Variants in CEP120 observed in about 807,000 individuals in gnomAD.
The protein encoded by CEP120 is centrosomal protein of 120 kDa.
A neutral mutation model predicts 126.5 loss-of-function variants in CEP120; 113 were observed. The ratio of observed to expected loss-of-function variants is 0.89; its 90% CI spans 0.77 to 1.04. The LOEUF (loss-of-function observed/expected upper bound fraction) is 1.04. Among genes scored for constraint, CEP120 ranks in the 50% least tolerant of loss-of-function variants. The pLI, the probability that CEP120 is intolerant of heterozygous loss-of-function variation, is 0.00. For missense variants in CEP120, 1,230 were observed against 1,155.7 expected (o/e 1.06, Z -0.93); for synonymous variants, 400 against 394.3 (o/e 1.01, Z -0.17).
chr5:123,373,632 G>A (rs553924045), intron 16 of CEP120, among the ~76,000 whole-genome samples: 17 of 152,206 alleles, frequency 1.1e-4, no homozygotes, highest in African/African-American at 3.8e-4. Flanking sequence ...CTGGGATACA[G>A]ATGGAAGGAT....
At position 123,400,659 on chromosome 5, in the gene CEP120, CTT is replaced by C. The variant is rs34109692; in HGVS notation, c.464-1377_464-1376del. On this transcript the variant is annotated intron_variant, in intron 4 of 19. Coordinates refer to ENST00000306467, the MANE Select transcript of CEP120 (RefSeq NM_001375405.1). ...TACATACATATACATATATATATGG[CTT>C]TTTTTTTTTTTTTGCAGAGCTAGCT... Among the ~76,000 whole-genome samples, 7 of 88,956 alleles carry C rather than the reference CTT, an allele frequency of 7.9e-5. No homozygotes were observed. The South Asian group carries it at 1.9e-3, about 24-fold the overall frequency. 58.4% of individuals were successfully genotyped at this position (88,956 alleles called of 152,430 possible). A position where few individuals can be genotyped will look rare whatever the true frequency, so the allele number is the denominator to read the frequency against.
intron 3 of CEP120, among the ~76,000 whole-genome samples, chr5:123,414,897 G>C: frequency 7.0e-6 from 1 of 143,018 alleles, no homozygotes; most frequent in Non-Finnish European, 1.5e-5. Context: ...GCATGAACCC[G>C]GGAGTCAGAG....
chr5:123,418,614 TGAGA>T, intron 1 of CEP120, 99 bp from the exon 2 acceptor site: 2 of 736,034 alleles, frequency 2.7e-6, no homozygotes. Context: ...TTTTTTTTTT[TGAGA>T]TGGAGTCTTA....
intron 3 of CEP120, among the ~76,000 whole-genome samples, chr5:123,414,962 A>G (rs1417029370): frequency 4.4e-5 from 5 of 113,430 alleles, no homozygotes; most frequent in African/African-American, 1.0e-4. Context: ...ACAGAGCAAG[A>G]CTCCATCTCA....
chr5:123,394,534 C>T (rs913873674), intron 5 of CEP120, among the ~76,000 whole-genome samples: 3 of 152,144 alleles, frequency 2.0e-5, no homozygotes, highest in Admixed American at 6.5e-5. Flanking sequence ...GCTGTGTAGC[C>T]GGTTCCTAAC....
chr5:123,367,907 T>G (rs959880053), intron 17 of CEP120, among the ~76,000 whole-genome samples: 4 of 151,926 alleles, frequency 2.6e-5, no homozygotes, highest in African/African-American at 7.2e-5. Flanking sequence ...TTTTTGTGCA[T>G]TTATCTCTTT....
At chr5:123,348,112 A>C (rs1437173105) in intron 19 of CEP120, among the ~76,000 whole-genome samples, 15 of 152,166 alleles carry the variant, frequency 9.9e-5, no homozygotes, top group Non-Finnish European at 1.5e-5. Flanking sequence ...AGGCCACGTA[A>C]GTTCTCCTAG....
chr5:123,413,107 C>G (rs562110475), intron 3 of CEP120, among the ~76,000 whole-genome samples: 35 of 151,824 alleles, frequency 2.3e-4, no homozygotes, highest in Non-Finnish European at 3.5e-4. Flanking sequence ...TCTGTCTCTA[C>G]TAAAAATACG....
rs949082854 is a variant in CEP120, at chr5:123,401,126, C to T, written c.464-1842G>A. ...TCTTCGTATGAATACTCATGTTCTGCATCCCAGACTCCAGCCGGCTCTCCT... is the reference window on the plus strand; with the variant it reads ...TCTTCGTATGAATACTCATGTTCTGTATCCCAGACTCCAGCCGGCTCTCCT... On this transcript the variant is annotated intron_variant, in intron 4 of 19. Transcript: ENST00000306467. The T allele has an allele frequency of 5.6e-4, 890 of 1,603,050 alleles. 4 individuals carry two copies. The highest frequency in any genetic ancestry group is 7.1e-4 in the Non-Finnish European group (837 of 1,172,076).
chr5:123,401,782 C>G, intron 4 of CEP120: 1 of 1,258,302 alleles, frequency 7.9e-7, no homozygotes, highest in Non-Finnish European at 1.2e-6. Context: ...TTCTCCATCT[C>G]TGCACGCTTA....
chr5:123,388,465 A>G lies in CEP120; in HGVS notation c.1397T>C (p.Leu466Ser), dbSNP rs746223431. 1 of 1,569,634 alleles carries G rather than the reference A, an allele frequency of 6.4e-7. No homozygotes were observed. Among genetic ancestry groups the G allele is most frequent in the Non-Finnish European group, 8.6e-7 (1 of 1,161,856 alleles). ...FSIDLRSIHA[L>S]EIGFPINCIL... ...ACAGTTGATTGGAAAACCAATCTCC[A>G]AGGCATGTATACTCCTTAAGTCTAT... Residue 466 changes from leucine (L) to serine (S), a missense_variant, in exon 9 of 20, where the codon TTG (leucine) becomes TCG (serine). Coordinates refer to ENST00000306467, the MANE Select transcript of CEP120 (RefSeq NM_001375405.1).
At chr5:123,387,690 T>A (rs895397563) in intron 9 of CEP120, among the ~76,000 whole-genome samples, 1 of 152,092 alleles carries the variant, frequency 6.6e-6, no homozygotes, top group Non-Finnish European at 1.5e-5. Context: ...TCCTCAACTT[T>A]TGCAAATGCT....
At chr5:123,370,458 C>T (rs1770772744) in intron 17 of CEP120, among the ~76,000 whole-genome samples, 1 of 149,922 alleles carries the variant, frequency 6.7e-6, no homozygotes, top group Non-Finnish European at 1.5e-5. Flanking sequence ...AAGTCTATCA[C>T]TCCCTAATGC....
chr5:123,415,894 C>T (rs1774349225), intron 3 of CEP120, 116 bp downstream of exon 3: 1 of 605,300 alleles, frequency 1.7e-6, no homozygotes, highest in Admixed American at 3.2e-5. Context: ...GCCATATTGG[C>T]TCAAGTCTAT....
intron 4 of CEP120, chr5:123,401,910 T>C: frequency 6.4e-7 from 1 of 1,555,826 alleles, no homozygotes; most frequent in Non-Finnish European, 8.8e-7. Flanking sequence ...CCTAAGGTTG[T>C]TGATGTAGCT....
intron 3 of CEP120, among the ~76,000 whole-genome samples, chr5:123,413,747 T>TA (rs1774214956): frequency 6.6e-6 from 1 of 152,204 alleles, no homozygotes; most frequent in Admixed American, 6.5e-5. Flanking sequence ...AAGCTTTAAA[T>TA]AAAAATCAAC....
In CEP120 at chr5:123,416,023, T is replaced by C; in HGVS notation, c.308A>G (p.Gln103Arg). Residue 103 changes from glutamine (Q) to arginine (R), a missense_variant, in exon 3 of 20, where the codon CAA becomes CGA. By Grantham distance (43) the Gln-to-Arg change is conservative. Coordinates refer to ENST00000306467, the MANE Select transcript of CEP120 (RefSeq NM_001375405.1). ...AAAGGGCAATACCTGCTTTGTTTCT[T>C]GAGCGGTTCTTAAATCCAGAACGAT... Reference protein sequence around the residue: ...GYIVLDLRTAQETKQAPKWYQ... With the variant: ...GYIVLDLRTARETKQAPKWYQ... 1 of 1,611,730 alleles carries C rather than the reference T, an allele frequency of 6.2e-7. No individual in the cohort carries two copies. The highest frequency in any genetic ancestry group is 1.3e-5 in the African/African-American group (1 of 75,010).
chr5:123,385,728 C>T (rs764142723), intron 10 of CEP120, among the ~76,000 whole-genome samples: 3 of 151,790 alleles, frequency 2.0e-5, no homozygotes, highest in African/African-American at 2.4e-5. Flanking sequence ...GTGATCCTCC[C>T]GTTTTAGCCC....
At chr5:123,373,508 G>C (rs1009072020) in intron 16 of CEP120, among the ~76,000 whole-genome samples, 1 of 152,044 alleles carries the variant, frequency 6.6e-6, no homozygotes, top group Non-Finnish European at 1.5e-5. Flanking sequence ...GCATAAAGAA[G>C]AGCTGGCAAG....
Sources: allele counts gnomAD v4.1 joint callset (sites outside exome capture counted in the v4.1 genomes callset), GRCh38; gene constraint gnomAD v4.1.1; transcripts MANE v1.5; gene names NCBI Gene and HGNC (gene_info 2026-07-23, HGNC 2026-07-21).